RNLS: variants seen among roughly 807,000 people sequenced by gnomAD.
RNLS encodes the protein renalase, FAD dependent amine oxidase, also known as renalase.
Under a neutral mutation model 39.8 loss-of-function variants are expected in RNLS, and 39 were observed. The observed-to-expected ratio is 0.98, with a 90% CI of 0.76 to 1.28. The LOEUF (loss-of-function observed/expected upper bound fraction) is 1.28. Ranked by LOEUF, RNLS falls within the 50% of genes most tolerant of loss-of-function variation. The pLI, the probability that RNLS is intolerant of heterozygous loss-of-function variation, is 0.00. For missense variants in RNLS, 410 were observed against 413.3 expected, an observed-to-expected ratio of 0.99 and a Z score of 0.07; for synonymous variants, 147 against 150.7, an observed-to-expected ratio of 0.98 and a Z score of 0.18.
rs536237476 is a variant in RNLS at position 88,535,983 on chromosome 10, T to C, written c.526+36920A>G. ...TGAAATATCCTCCATCTCAGTAAAATAAAATAGAATTGAGAGATCTGAGAG... is the reference window on the plus strand; with the variant it reads ...TGAAATATCCTCCATCTCAGTAAAACAAAATAGAATTGAGAGATCTGAGAG... On this transcript the variant is annotated intron_variant, in intron 4 of 6. Coordinates refer to ENST00000331772, the MANE Select transcript of RNLS (RefSeq NM_001031709.3). Among the ~76,000 whole-genome samples the C allele has an allele frequency of 1.0e-3, 153 of 152,228 alleles. 4 individuals carry two copies. In the South Asian group the frequency reaches 0.028, roughly 28 times the overall value.
At chr10:88,264,731 T>C in the RNLS span, among the ~76,000 whole-genome samples, 2 of 152,274 alleles carry the variant, frequency 1.3e-5, no homozygotes, top group Non-Finnish European at 2.9e-5. Flanking sequence ...AGATTCTGGA[T>C]ATTAGGCCTT....
intron 4 of RNLS, among the ~76,000 whole-genome samples, chr10:88,389,687 T>C (rs927723160): frequency 1.3e-5 from 2 of 152,198 alleles, no homozygotes; most frequent in Non-Finnish European, 1.5e-5. Flanking sequence ...GCTAAAGCCC[T>C]ATCTAGTGAG....
At chr10:88,280,294 C>G (rs1003028414), downstream of RNLS, among the ~76,000 whole-genome samples, 5 of 152,170 alleles carry the variant, frequency 3.3e-5, no homozygotes, top group African/African-American at 1.2e-4. Context: ...GCATCAAGGT[C>G]ACACAATGAG....
chr10:88,208,538 G>A, the RNLS span, among the ~76,000 whole-genome samples: 1 of 152,086 alleles, frequency 6.6e-6, no homozygotes, highest in Non-Finnish European at 1.5e-5. Flanking sequence ...GACTAGAATA[G>A]AGAGCCAATA....
intron 6 of RNLS, among the ~76,000 whole-genome samples, chr10:88,276,155 T>A (rs114316130): frequency 6.6e-6 from 1 of 152,134 alleles, no homozygotes; most frequent in Admixed American, 6.6e-5. Context: ...TCTTAAAAAA[T>A]TGAGCTAAAA....
intron 4 of RNLS, among the ~76,000 whole-genome samples, chr10:88,458,586 T>C (rs1012353019): frequency 8.5e-5 from 13 of 152,184 alleles, no homozygotes; most frequent in Non-Finnish European, 1.5e-4. Context: ...ACGTAGTACT[T>C]GGTGTGGTTA....
intron 6 of RNLS, among the ~76,000 whole-genome samples, chr10:88,296,986 T>C (rs1452878845): frequency 2.6e-5 from 4 of 152,230 alleles, no homozygotes; most frequent in Non-Finnish European, 5.9e-5. Flanking sequence ...AGTTTGTTCC[T>C]TTTTATTACT....
At chr10:88,412,956 G>A (rs1207871554) in intron 4 of RNLS, among the ~76,000 whole-genome samples, 3 of 152,106 alleles carry the variant, frequency 2.0e-5, no homozygotes, top group Admixed American at 2.0e-4. Context: ...ATATGTTTTG[G>A]ACACAGATCT....
chr10:88,223,556 G>C, the RNLS span, among the ~76,000 whole-genome samples: 1 of 152,186 alleles, frequency 6.6e-6, no homozygotes, highest in Non-Finnish European at 1.5e-5. Flanking sequence ...AACCACTGTT[G>C]GATGTGTTTC....
intron 4 of RNLS, among the ~76,000 whole-genome samples, chr10:88,492,446 T>C (rs1469811930): frequency 7.1e-6 from 1 of 141,256 alleles, no homozygotes; most frequent in African/African-American, 2.6e-5. Context: ...TGAGACAGAG[T>C]CTTGCTCTGC....
chr10:88,444,550 C>A (rs187128919), intron 4 of RNLS, among the ~76,000 whole-genome samples: 2 of 151,992 alleles, frequency 1.3e-5, no homozygotes, highest in African/African-American at 4.8e-5. Context: ...TTGAACCCAA[C>A]GCAAAGAAGC....
chr10:88,504,056 G>A (rs1280440027), intron 4 of RNLS, among the ~76,000 whole-genome samples: 1 of 152,106 alleles, frequency 6.6e-6, no homozygotes, highest in Non-Finnish European at 1.5e-5. Flanking sequence ...ACAAAAGCCT[G>A]CCAGCAACCA....
At chr10:88,304,314 T>C (rs1203474790) in intron 6 of RNLS, among the ~76,000 whole-genome samples, 3 of 152,152 alleles carry the variant, frequency 2.0e-5, no homozygotes, top group African/African-American at 7.2e-5. Flanking sequence ...ATGACCACAT[T>C]ACCTCTCTAG....
At chr10:88,365,391 T>C (rs867898096) in intron 4 of RNLS, among the ~76,000 whole-genome samples, 33 of 151,952 alleles carry the variant, frequency 2.2e-4, no homozygotes, top group African/African-American at 6.3e-4. Context: ...ATATTCTTTC[T>C]TATCATGTTT....
At chr10:88,257,638 G>A in the RNLS span, among the ~76,000 whole-genome samples, 2 of 152,314 alleles carry the variant, frequency 1.3e-5, no homozygotes, top group Middle Eastern at 3.4e-3. Context: ...GAGACCTATA[G>A]CTAGGAAAGG....
the RNLS span, among the ~76,000 whole-genome samples, chr10:88,235,479 T>C: frequency 6.6e-6 from 1 of 152,140 alleles, no homozygotes; most frequent in African/African-American, 2.4e-5. Flanking sequence ...CCAGACATTG[T>C]GTTGTGTGAT....
chr10:88,212,028 G>A, the RNLS span, among the ~76,000 whole-genome samples: 22 of 152,232 alleles, frequency 1.4e-4, no homozygotes, highest in African/African-American at 3.9e-4. Flanking sequence ...CATAATAATT[G>A]CATTCCCATC....
At chr10:88,493,278 T>C (rs1306478470) in intron 4 of RNLS, among the ~76,000 whole-genome samples, 2 of 152,134 alleles carry the variant, frequency 1.3e-5, no homozygotes, top group Non-Finnish European at 2.9e-5. Flanking sequence ...ATTTTTCTGA[T>C]AATCTAGCAA....
exon 7 of RNLS, chr10:88,274,918 A>C (rs1373811473): frequency 6.6e-7 from 1 of 1,512,972 alleles, no homozygotes; most frequent in African/African-American, 1.4e-5. Flanking sequence ...CTTAAAAAAA[A>C]AAATCAAATA....
Sources: allele counts gnomAD v4.1 joint callset (sites outside exome capture counted in the v4.1 genomes callset), GRCh38; gene constraint gnomAD v4.1.1; transcripts MANE v1.5; gene names NCBI Gene and HGNC (gene_info 2026-07-23, HGNC 2026-07-21).